The following AXL variants were observed in gnomAD, a reference collection of about 807,000 sequenced individuals.
AXL encodes AXL receptor tyrosine kinase.
In AXL, 52 loss-of-function variants were observed where a neutral mutation model predicts 104.5. The observed-to-expected ratio is 0.50, with a 90% CI of 0.40 to 0.63. AXL has a LOEUF of 0.63. Among genes scored for constraint, AXL ranks in the 20% least tolerant of loss-of-function variants. The probability of loss-of-function intolerance (pLI) is 0.00; values close to 1 mark genes in which losing one functional copy is unlikely to be tolerated. For synonymous variants in AXL, 455 were observed against 473.7 expected, an observed-to-expected ratio of 0.96 and a Z score of 0.51; for missense variants, 1,024 against 1,188.5, an observed-to-expected ratio of 0.86 and a Z score of 2.04.
intron 14 of AXL, among the ~76,000 whole-genome samples, chr19:41,249,693 T>C (rs2034330043): frequency 6.6e-6 from 1 of 151,760 alleles, no homozygotes; most frequent in African/African-American, 2.4e-5. Flanking sequence ...CAGGCGGAGA[T>C]TGCAGTGAGC....
At chr19:41,228,893 A>G (rs1568409878) in intron 4 of AXL, among the ~76,000 whole-genome samples, 1 of 152,160 alleles carries the variant, frequency 6.6e-6, no homozygotes, top group African/African-American at 2.4e-5. Context: ...TTTGGAGAGG[A>G]AGCTCCAATT....
At position 41,231,103 on chromosome 19, in the gene AXL, G is replaced by T. The variant is rs534638184; in HGVS notation, c.667+56G>T. The T allele has an allele frequency of 4.2e-5, 68 of 1,611,576 alleles. No individual in the cohort carries two copies. The East Asian group carries it at 1.3e-3, about 31-fold the overall frequency. Reference sequence around the variant, plus strand: ...GTCAGAGGGTGGGGTTTGGGTCCGGGGTCAGAGTGGGGGCAGAGAGCAGGG... The same window carrying T: ...GTCAGAGGGTGGGGTTTGGGTCCGGTGTCAGAGTGGGGGCAGAGAGCAGGG... On this transcript the variant is annotated intron_variant, in intron 5 of 19. Coordinates refer to ENST00000301178, the MANE Select transcript of AXL (RefSeq NM_021913.5).
intron 6 of AXL, among the ~76,000 whole-genome samples, chr19:41,235,308 G>A (rs1468689115): frequency 2.0e-5 from 3 of 152,128 alleles, no homozygotes; most frequent in South Asian, 4.1e-4. Flanking sequence ...CCGAGATCAT[G>A]CCATTGTACT....
At position 41,261,008 on chromosome 19, in the gene AXL, C is replaced by G. The variant is rs193253238; in HGVS notation, c.*1104C>G. On this transcript the variant is annotated 3_prime_UTR_variant, in exon 20 of 20. Coordinates refer to ENST00000301178, the MANE Select transcript of AXL (RefSeq NM_021913.5). Reference sequence around the variant, plus strand: ...ATAATAGATTCTCTTGTATAAGATCCTAGATCCTAAGGGTCGAAAGCTCTA... The same window carrying G: ...ATAATAGATTCTCTTGTATAAGATCGTAGATCCTAAGGGTCGAAAGCTCTA... The G allele has an allele frequency of 7.2e-5, 11 of 152,166 alleles. No individual in the cohort carries two copies. Among genetic ancestry groups the G allele is most frequent in the Admixed American group, 2.6e-4 (4 of 15,276 alleles). The allele number at this position is 152,166 out of a possible 1,614,324, so 9.4% of individuals were successfully genotyped here.
chr19:41,239,574 C>A lies in AXL; in HGVS notation c.1286-120C>A, dbSNP rs1323321551. On this transcript the variant is annotated intron_variant, in intron 9 of 19. Transcript: ENST00000301178. ...CTCCCTTACCCGTGCCAAACCTTCA[C>A]TCCCTTACTCGTGCCACACCCTCAC... The A allele has an allele frequency of 4.7e-6, 6 of 1,282,614 alleles. No homozygotes were observed. In the African/African-American group the frequency reaches 1.3e-4, roughly 27 times the overall value. 79.5% of individuals were successfully genotyped at this position (1,282,614 alleles called of 1,614,324 possible). A position where few individuals can be genotyped will look rare whatever the true frequency, so the allele number is the denominator to read the frequency against.
intron 19 of AXL, among the ~76,000 whole-genome samples, chr19:41,258,560 G>C (rs1054922786): frequency 1.3e-5 from 2 of 152,168 alleles, no homozygotes; most frequent in African/African-American, 4.8e-5. Flanking sequence ...GACTACAGGC[G>C]TGTGCCACCA....
At chr19:41,242,711 G>A (rs749552319) in intron 10 of AXL, among the ~76,000 whole-genome samples, 172 bp from the exon 11 acceptor site, 2 of 152,090 alleles carry the variant, frequency 1.3e-5, no homozygotes, top group Non-Finnish European at 2.9e-5. Flanking sequence ...TCCATTGCAT[G>A]CCCTGTCCAG....
At chr19:41,226,510 C>T (rs2033884482) in intron 4 of AXL, among the ~76,000 whole-genome samples, 2 of 152,212 alleles carry the variant, frequency 1.3e-5, no homozygotes, top group Admixed American at 1.3e-4. Context: ...AGCTCCCCTA[C>T]CCTCCCCTTT....
chr19:41,221,596 C>A (rs540521721), intron 3 of AXL: 45 of 506,204 alleles, frequency 8.9e-5, no homozygotes, highest in African/African-American at 7.7e-4. Flanking sequence ...CCCCAGCGGT[C>A]TCTTTTTTCT....
intron 4 of AXL, among the ~76,000 whole-genome samples, chr19:41,226,202 G>A (rs751733547): frequency 6.6e-6 from 1 of 152,186 alleles, no homozygotes; most frequent in African/African-American, 2.4e-5. Flanking sequence ...TGACTCACGC[G>A]GGGGCAGGAA....
chr19:41,248,905 T>G, intron 14 of AXL, 85 bp downstream of exon 14: 2 of 1,398,742 alleles, frequency 1.4e-6, no homozygotes, highest in Non-Finnish European at 1.9e-6. Context: ...AGCCATAGCT[T>G]AGAACTTCTG....
At chr19:41,226,316 C>A (rs1025780938) in intron 4 of AXL, among the ~76,000 whole-genome samples, 2 of 152,170 alleles carry the variant, frequency 1.3e-5, no homozygotes, top group Non-Finnish European at 2.9e-5. Flanking sequence ...CGGGGCCCCA[C>A]GTGCCAGGTG....
At chr19:41,234,523 A>T (rs924775887) in intron 6 of AXL, among the ~76,000 whole-genome samples, 3 of 152,262 alleles carry the variant, frequency 2.0e-5, no homozygotes, top group Admixed American at 2.0e-4. Flanking sequence ...TGACAGAGTG[A>T]GACCCTGCCT....
rs2034208636 is a variant in AXL at position 41,242,930 on chromosome 19, C to T, written c.1360C>T (p.Leu454=). Residue 454 remains leucine, a synonymous_variant, in exon 11 of 20, where the codon CTG becomes TTG. Transcript: ENST00000301178. ...CTTCTCGTGGCCCTGGTGGTATGTACTGCTAGGAGCAGTCGTGGCCGCTGC... is the reference window on the plus strand; with the variant it reads ...CTTCTCGTGGCCCTGGTGGTATGTATTGCTAGGAGCAGTCGTGGCCGCTGC... ...PAFSWPWWYV[L]LGAVVAAACV... is the part of the protein sequence containing the mutation. The T allele has an allele frequency of 1.2e-6, 2 of 1,614,092 alleles. No homozygotes were observed. Among genetic ancestry groups the T allele is most frequent in the African/African-American group, 2.7e-5 (2 of 74,934 alleles).
Position 41,220,708 on chromosome 19 carries a change from C to T in AXL, c.158C>T (p.Thr53Ile), listed in dbSNP as rs2122195485. ...NITGARGLTG[T>I]LRCQLQVQGE... ...ACAGGTGCCCGGGGACTCACGGGCACCCTTCGGTGTCAGCTCCAGGTTCAG... is the reference window on the plus strand; with the variant it reads ...ACAGGTGCCCGGGGACTCACGGGCATCCTTCGGTGTCAGCTCCAGGTTCAG... Residue 53 changes from threonine (T) to isoleucine (I), a missense_variant, in exon 2 of 20, where the codon ACC (threonine) becomes ATC (isoleucine). Coordinates refer to ENST00000301178, the MANE Select transcript of AXL (RefSeq NM_021913.5). 1.9e-6 allele frequency: 3 copies of T among 1,613,568 alleles called. No homozygotes were observed. Among genetic ancestry groups the T allele is most frequent in the Admixed American group, 1.7e-5 (1 of 59,974 alleles).
At chr19:41,244,475 T>C (rs1249521197) in intron 12 of AXL, among the ~76,000 whole-genome samples, 2 of 151,548 alleles carry the variant, frequency 1.3e-5, no homozygotes, top group Non-Finnish European at 2.9e-5. Flanking sequence ...GTTTCTTTTT[T>C]CTTTTTTTTT....
At chr19:41,232,064 G>A (rs959611209) in intron 6 of AXL, among the ~76,000 whole-genome samples, 1 of 152,136 alleles carries the variant, frequency 6.6e-6, no homozygotes, top group Admixed American at 6.5e-5. Context: ...AGCCATTTCT[G>A]TCACCACTGG....
chr19:41,222,120 G>T, intron 4 of AXL, 64 bp downstream of exon 4: 2 of 1,412,094 alleles, frequency 1.4e-6, no homozygotes, highest in Non-Finnish European at 1.9e-6. Flanking sequence ...TCAGGAGCAA[G>T]GGAACATTGC....
chr19:41,242,826 C>T, intron 10 of AXL, 57 bp from the exon 11 acceptor site: 2 of 1,605,884 alleles, frequency 1.2e-6, no homozygotes, highest in Non-Finnish European at 1.7e-6. Flanking sequence ...CCCTTTGGGT[C>T]CCAGAGAGCT....
Sources: gnomAD v4.1 joint callset for allele counts (sites outside exome capture counted in the v4.1 genomes callset) on GRCh38, gnomAD v4.1.1 for gene constraint, MANE v1.5 for transcripts, NCBI Gene and HGNC (gene_info 2026-07-23, HGNC 2026-07-21) for gene names.